Variants in NECTIN3 observed in about 807,000 individuals in gnomAD.
The protein encoded by NECTIN3 is nectin cell adhesion molecule 3.
A neutral mutation model predicts 49.4 loss-of-function variants in NECTIN3; 8 were observed. The observed-to-expected ratio is 0.16, with a 90% CI of 0.10 to 0.29. The LOEUF (loss-of-function observed/expected upper bound fraction) is 0.29. Among genes scored for constraint, NECTIN3 ranks in the 10% least tolerant of loss-of-function variants. The pLI is 1.00. For missense variants in NECTIN3, 581 were observed against 654.6 expected, an observed-to-expected ratio of 0.89 and a Z score of 1.23; for synonymous variants, 277 against 241.1, an observed-to-expected ratio of 1.15 and a Z score of -1.38.
At chr3:111,168,795 G>C (rs1442817786) in intron 7 of NECTIN3, among the ~76,000 whole-genome samples, 1 of 152,170 alleles carries the variant, frequency 6.6e-6, no homozygotes, top group Non-Finnish European at 1.5e-5. Context: ...ATAGGAGCAT[G>C]CCTTAATTAT....
intron 1 of NECTIN3, among the ~76,000 whole-genome samples, chr3:111,194,142 C>T (rs1240095892): frequency 6.6e-6 from 1 of 152,088 alleles, no homozygotes; most frequent in Non-Finnish European, 1.5e-5. Context: ...CTATTTTGCA[C>T]CTATTAAATT....
At position 111,151,147 on chromosome 3, in the gene NECTIN3, A is replaced by T. The variant is rs567175271; in HGVS notation, c.1221+3663A>T. Among the ~76,000 whole-genome samples the T allele has an allele frequency of 1.1e-3, 174 of 152,022 alleles. 1 individual carries two copies. Among genetic ancestry groups the T allele is most frequent in the Middle Eastern group, 6.8e-3 (2 of 294 alleles). On this transcript the variant is annotated intron_variant, in intron 7 of 8. Transcript: ENST00000493615. ...CCTGATAATTTTTTTAATTTGACAG[A>T]TCAAAATTGTATATTTTTATGATAT...
At chr3:111,090,933 T>C (rs1229924408) in intron 1 of NECTIN3, among the ~76,000 whole-genome samples, 1 of 151,738 alleles carries the variant, frequency 6.6e-6, no homozygotes, top group African/African-American at 2.4e-5. Flanking sequence ...AGTGCTAGTG[T>C]GTGTGTGTGT....
intron 1 of NECTIN3, among the ~76,000 whole-genome samples, chr3:111,103,413 A>G (rs1347403600): frequency 6.7e-6 from 1 of 150,308 alleles, no homozygotes; most frequent in African/African-American, 2.4e-5. Context: ...TTAACTTCAA[A>G]TTCCACTTGA....
rs1390543411 is a variant in NECTIN3 at position 111,134,129 on chromosome 3, A to G, written c.1564A>G (p.Ser522Gly). Reference protein sequence around the residue: ...EDLKMGMKFVSDEHYDENEDD... With the variant: ...EDLKMGMKFVGDEHYDENEDD... Reference sequence around the variant, plus strand: ...TCTAAAAATGGGAATGAAGTTTGTCAGTGATGAACATTATGATGAAAACGA... The same window carrying G: ...TCTAAAAATGGGAATGAAGTTTGTCGGTGATGAACATTATGATGAAAACGA... Residue 522 changes from serine (S) to glycine (G), a missense_variant, in exon 6 of 6, where the codon AGT becomes GGT. Physicochemically the swap from Ser to Gly is moderately conservative, Grantham distance 56. This residue lies in a region of NECTIN3 where 238 missense variants were observed against 244.9 expected (regional missense o/e 0.97). Coordinates refer to ENST00000485303, the MANE Select transcript of NECTIN3 (RefSeq NM_015480.3). 6.2e-7 allele frequency: 1 copy of G among 1,613,358 alleles called. No individual in the cohort carries two copies. The highest frequency in any genetic ancestry group is 1.7e-5 in the Admixed American group (1 of 59,958).
At chr3:111,104,932 G>A (rs1039619796) in intron 1 of NECTIN3, among the ~76,000 whole-genome samples, 15 of 152,114 alleles carry the variant, frequency 9.9e-5, no homozygotes, top group African/African-American at 3.4e-4. Context: ...TGTTAAATCT[G>A]TAGATCAATT....
chr3:111,143,153 A>G (rs2034791432), intron 5 of NECTIN3, among the ~76,000 whole-genome samples: 1 of 151,988 alleles, frequency 6.6e-6, no homozygotes, highest in Non-Finnish European at 1.5e-5. Context: ...AGTCATCCCA[A>G]ATCTCTCTCA....
chr3:111,162,212 A>T (rs1312620249), intron 7 of NECTIN3, among the ~76,000 whole-genome samples: 1 of 152,046 alleles, frequency 6.6e-6, no homozygotes, highest in African/African-American at 2.4e-5. Flanking sequence ...TTAAAAAAAA[A>T]TCTCAGTCAT....
At chr3:111,119,032 C>A in intron 3 of NECTIN3, 80 bp downstream of exon 3, 1 of 1,209,102 alleles carries the variant, frequency 8.3e-7, no homozygotes, top group South Asian at 1.7e-5. Context: ...TATTTAATAG[C>A]TTTTCCTTGT....
chr3:111,165,085 C>T (rs990875802), intron 7 of NECTIN3, among the ~76,000 whole-genome samples: 5 of 151,930 alleles, frequency 3.3e-5, no homozygotes, highest in African/African-American at 1.2e-4. Flanking sequence ...CTCGCTCTGT[C>T]GCCCAGGCTG....
intron 2 of NECTIN3, among the ~76,000 whole-genome samples, chr3:111,118,028 T>C (rs2107461336): frequency 6.6e-6 from 1 of 151,842 alleles, no homozygotes; most frequent in Non-Finnish European, 1.5e-5. Context: ...GCAGCCCTAA[T>C]TGGTTCTTTT....
chr3:111,175,423 C>T (rs1399277558), intron 7 of NECTIN3, among the ~76,000 whole-genome samples: 2 of 151,624 alleles, frequency 1.3e-5, no homozygotes, highest in East Asian at 3.9e-4. Context: ...GAGATAAAGA[C>T]AAGTAAAAGC....
At chr3:111,138,595 A>T (rs1298022388), downstream of NECTIN3, among the ~76,000 whole-genome samples, 1 of 151,494 alleles carries the variant, frequency 6.6e-6, no homozygotes, top group Non-Finnish European at 1.5e-5. Context: ...TATTTTCTTG[A>T]ACCTTCGTGA....
intron 3 of NECTIN3, 90 bp from the exon 4 acceptor site, chr3:111,122,031 G>A (rs1265239088): frequency 1.1e-6 from 1 of 890,698 alleles, no homozygotes; most frequent in Non-Finnish European, 1.8e-6. Context: ...GTTATTCTAA[G>A]GCTTTGTCTA....
intron 1 of NECTIN3, among the ~76,000 whole-genome samples, chr3:111,099,041 T>A (rs576625295): frequency 6.6e-6 from 1 of 152,324 alleles, no homozygotes; most frequent in Admixed American, 6.5e-5. Context: ...TTATAAACTT[T>A]CCTTGTGTTT....
downstream of NECTIN3, among the ~76,000 whole-genome samples, chr3:111,141,661 A>C (rs759668644): frequency 3.3e-5 from 5 of 151,762 alleles, no homozygotes; most frequent in Non-Finnish European, 5.9e-5. Context: ...CTATTTTTGG[A>C]GGTAAGTTTC....
At chr3:111,098,099 T>G (rs1426481396) in intron 1 of NECTIN3, among the ~76,000 whole-genome samples, 1 of 152,140 alleles carries the variant, frequency 6.6e-6, no homozygotes, top group Non-Finnish European at 1.5e-5. Flanking sequence ...ATCCTTTTCT[T>G]TGGTTTTAAT....
chr3:111,092,475 A>G (rs1339098730), intron 1 of NECTIN3, among the ~76,000 whole-genome samples: 1 of 152,114 alleles, frequency 6.6e-6, no homozygotes, highest in Admixed American at 6.5e-5. Context: ...ATTTTTGTGT[A>G]TGGTACAAGG....
At chr3:111,171,255 A>C (rs2035428068) in intron 7 of NECTIN3, among the ~76,000 whole-genome samples, 1 of 152,194 alleles carries the variant, frequency 6.6e-6, no homozygotes, top group Non-Finnish European at 1.5e-5. Context: ...AATGGGTTTC[A>C]AGTACTGAAA....
Sources: gnomAD v4.1 joint callset for allele counts (sites outside exome capture counted in the v4.1 genomes callset) on GRCh38, gnomAD v4.1.1 for gene constraint, gnomAD v4.1.1 regional missense constraint, MANE v1.5 for transcripts, NCBI Gene and HGNC (gene_info 2026-07-23, HGNC 2026-07-21) for gene names.